Variants in MAP2K5 observed in about 807,000 individuals in gnomAD.
MAP2K5 encodes dual specificity mitogen-activated protein kinase kinase 5.
In MAP2K5, 49 loss-of-function variants were observed where a neutral mutation model predicts 83.1. That is an observed-to-expected ratio of 0.59 (90% CI 0.47 to 0.75). MAP2K5 has a LOEUF of 0.75. Among genes scored for constraint, MAP2K5 ranks in the 30% least tolerant of loss-of-function variants. The probability of loss-of-function intolerance (pLI) is 0.00; values close to 1 mark genes in which losing one functional copy is unlikely to be tolerated. For synonymous variants in MAP2K5, 202 were observed against 191.8 expected (o/e 1.05, Z -0.44); for missense variants, 457 against 557.5 (o/e 0.82, Z 1.82).
rs1193139898 is a variant in MAP2K5, at chr15:67,768,683, A to G, written c.1135-919A>G. Among the ~76,000 whole-genome samples, 1 of 152,226 alleles carries G rather than the reference A, an allele frequency of 6.6e-6. No homozygotes were observed. Among genetic ancestry groups the G allele is most frequent in the African/African-American group, 2.4e-5 (1 of 41,454 alleles). ...TAATAGCAAATGAGAATAGATGAGAATGGAGTCATTTGCAGCTGCCTACTT... is the reference window on the plus strand; with the variant it reads ...TAATAGCAAATGAGAATAGATGAGAGTGGAGTCATTTGCAGCTGCCTACTT... On this transcript the variant is annotated intron_variant, in intron 19 of 21. Transcript: ENST00000178640. This position sits in a 1 kb window ranked among gnomAD's most constrained non-coding sequence, Gnocchi z 4.0.
At chr15:67,635,320 G>A (rs897735322) in intron 9 of MAP2K5, among the ~76,000 whole-genome samples, 20 of 151,568 alleles carry the variant, frequency 1.3e-4, no homozygotes, top group East Asian at 5.8e-4. Flanking sequence ...GACTACAGGC[G>A]CCTGCCACCA....
intron 8 of MAP2K5, among the ~76,000 whole-genome samples, chr15:67,623,809 C>T (rs540894326): frequency 5.4e-4 from 82 of 151,980 alleles, no homozygotes; most frequent in African/African-American, 1.9e-3. Context: ...GTTGGTCAGG[C>T]TGGTCTCGAA....
intron 1 of MAP2K5, 78 bp from the exon 2 acceptor site, chr15:67,549,956 A>T (rs1244516866): frequency 1.9e-6 from 2 of 1,054,140 alleles, no homozygotes; most frequent in Non-Finnish European, 3.0e-6. Context: ...CCAGGTTCTC[A>T]TATTTCCTGT....
At chr15:67,569,898 T>A (rs767147355) in intron 3 of MAP2K5, among the ~76,000 whole-genome samples, 2 of 152,244 alleles carry the variant, frequency 1.3e-5, no homozygotes, top group African/African-American at 2.4e-5. Context: ...GCTGTCTGCA[T>A]GGCCTGATAG....
rs1015424147 is a variant in MAP2K5 at position 67,719,344 on chromosome 15, C to T, written c.1045-8572C>T. Among the ~76,000 whole-genome samples, 4 of 152,122 alleles carry T rather than the reference C, an allele frequency of 2.6e-5. No individual in the cohort carries two copies. The highest frequency in any genetic ancestry group is 6.5e-5 in the Admixed American group (1 of 15,268). ...GGCATAGAAACAAGCAAACCAGGCA[C>T]CTCCAGGTTGACCAGTCTCCAGGAG... On this transcript the variant is annotated intron_variant, in intron 16 of 21. Coordinates refer to ENST00000178640, the MANE Select transcript of MAP2K5 (RefSeq NM_145160.3). The surrounding 1 kb of genome is among the most constrained non-coding windows in gnomAD (Gnocchi z 4.6).
chr15:67,611,511 A>T (rs1567308431), intron 8 of MAP2K5, among the ~76,000 whole-genome samples: 1 of 152,146 alleles, frequency 6.6e-6, no homozygotes, highest in Non-Finnish European at 1.5e-5. Context: ...GGAAGATGCC[A>T]AGAGGTACTC....
rs2090351091 is a variant in MAP2K5, at chr15:67,782,840, C to T, written c.1242+10088C>T. ...TGGAAAGTCCCTTCTCCAAAACAAG[C>T]TTTCCTCCCGTCAGGGAGGTCAGCA... On this transcript the variant is annotated intron_variant, in intron 21 of 21. Coordinates refer to ENST00000178640, the MANE Select transcript of MAP2K5 (RefSeq NM_145160.3). This position sits in a 1 kb window ranked among gnomAD's most constrained non-coding sequence, Gnocchi z 4.9. 6.6e-6 allele frequency among the ~76,000 whole-genome samples: 1 copy of T among 152,230 alleles called. No individual in the cohort carries two copies. The highest frequency in any genetic ancestry group is 6.5e-5 in the Admixed American group (1 of 15,282).
intron 9 of MAP2K5, among the ~76,000 whole-genome samples, chr15:67,632,766 A>C (rs1038892671): frequency 6.6e-6 from 1 of 152,252 alleles, no homozygotes; most frequent in African/African-American, 2.4e-5. Flanking sequence ...CAGAGCAATT[A>C]CATTAGAATT....
chr15:67,703,303 G>A (rs746603290), intron 15 of MAP2K5, 34 bp from the exon 16 acceptor site: 23 of 1,516,384 alleles, frequency 1.5e-5, no homozygotes, highest in East Asian at 4.5e-5. Flanking sequence ...AGTAGCATCC[G>A]TCCACTCACA....
intron 21 of MAP2K5, among the ~76,000 whole-genome samples, chr15:67,798,900 G>A (rs2090652824): frequency 6.6e-6 from 1 of 152,116 alleles, no homozygotes; most frequent in Non-Finnish European, 1.5e-5. Flanking sequence ...GCCGGGCACG[G>A]TGGCTCACGC....
At position 67,770,318 on chromosome 15, in the gene MAP2K5, C is replaced by T. The variant is rs570257399; in HGVS notation, c.1196+655C>T. Among the ~76,000 whole-genome samples, 12 of 152,314 alleles carry T rather than the reference C, an allele frequency of 7.9e-5. No homozygotes were observed. In the East Asian group the frequency reaches 2.3e-3, roughly 29 times the overall value. On this transcript the variant is annotated intron_variant, in intron 20 of 21. Transcript: ENST00000178640. The surrounding 1 kb of genome is among the most constrained non-coding windows in gnomAD (Gnocchi z 5.0). ...TCTTTGCCAGCCTTCTGCCTTTTTC[C>T]TCCTAGCAGAACGCAGATGTCTTTT... is the stretch of plus-strand genomic sequence containing the variant.
chr15:67,583,416 G>A (rs932835015), intron 4 of MAP2K5, among the ~76,000 whole-genome samples: 4 of 152,032 alleles, frequency 2.6e-5, no homozygotes, highest in African/African-American at 9.7e-5. Flanking sequence ...GTTAAACATA[G>A]TCTTTCTAAG....
chr15:67,546,287 C>T (rs1010031280), intron 1 of MAP2K5: 2 of 152,282 alleles, frequency 1.3e-5, no homozygotes, highest in African/African-American at 2.4e-5. Flanking sequence ...AGAATCCCCT[C>T]ATCTAATTCA....
chr15:67,567,814 C>T lies in MAP2K5; in HGVS notation c.252+4464C>T, dbSNP rs553494208. ...TTGTTGTTGTTGTTCTCATTTCCTCCTCTCATTTTCTAGAAAGATTGAAAA... is the reference window on the plus strand; with the variant it reads ...TTGTTGTTGTTGTTCTCATTTCCTCTTCTCATTTTCTAGAAAGATTGAAAA... On this transcript the variant is annotated intron_variant, in intron 3 of 21. Coordinates refer to ENST00000178640, the MANE Select transcript of MAP2K5 (RefSeq NM_145160.3). Among the ~76,000 whole-genome samples, 10 of 152,098 alleles carry T rather than the reference C, an allele frequency of 6.6e-5. No homozygotes were observed. In the East Asian group the frequency reaches 1.7e-3, roughly 26 times the overall value.
intron 13 of MAP2K5, among the ~76,000 whole-genome samples, chr15:67,689,385 G>A (rs1055725498): frequency 6.6e-6 from 1 of 152,136 alleles, no homozygotes; most frequent in African/African-American, 2.4e-5. Context: ...ATTAAGGATG[G>A]GCAGGATTCA....
intron 13 of MAP2K5, among the ~76,000 whole-genome samples, chr15:67,687,706 C>T (rs186159963): frequency 6.6e-6 from 1 of 152,270 alleles, no homozygotes; most frequent in East Asian, 1.9e-4. Context: ...AGCTCCTTCT[C>T]AGGCCAAATT....
chr15:67,614,363 G>A (rs1301886456), intron 8 of MAP2K5, among the ~76,000 whole-genome samples: 4 of 152,178 alleles, frequency 2.6e-5, no homozygotes, highest in African/African-American at 9.7e-5. Flanking sequence ...AGCCATTTAT[G>A]TATCTGATTT....
chr15:67,676,478 T>C lies in MAP2K5; in HGVS notation c.847+11833T>C, dbSNP rs1233115793. Reference sequence around the variant, plus strand: ...CAGAATGGACAGACAGCTTTAGCAGTTGGAAGAGCTCTCCATGTCTCTTCC... The same window carrying C: ...CAGAATGGACAGACAGCTTTAGCAGCTGGAAGAGCTCTCCATGTCTCTTCC... On this transcript the variant is annotated intron_variant, in intron 13 of 21. Transcript: ENST00000178640. The surrounding 1 kb of genome is among the most constrained non-coding windows in gnomAD (Gnocchi z 4.8). 1.3e-5 allele frequency among the ~76,000 whole-genome samples: 2 copies of C among 152,168 alleles called. No homozygotes were observed. The highest frequency in any genetic ancestry group is 2.4e-5 in the African/African-American group (1 of 41,450).
chr15:67,547,715 C>G (rs939944208), intron 1 of MAP2K5, among the ~76,000 whole-genome samples: 11 of 152,156 alleles, frequency 7.2e-5, no homozygotes, highest in African/African-American at 2.7e-4. Flanking sequence ...CTTCGGCCCC[C>G]CAAAGTGCTG....
Sources: gnomAD v4.1 joint callset for allele counts (sites outside exome capture counted in the v4.1 genomes callset) on GRCh38, gnomAD v4.1.1 for gene constraint, Gnocchi (gnomAD v3.1) non-coding constraint, MANE v1.5 for transcripts, NCBI Gene and HGNC (gene_info 2026-07-23, HGNC 2026-07-21) for gene names.